CFAP20DC: variants seen among roughly 807,000 people sequenced by gnomAD.
CFAP20DC encodes the protein protein CFAP20DC.
Under a neutral mutation model 101.7 loss-of-function variants are expected in CFAP20DC, and 84 were observed. That is an observed-to-expected ratio of 0.83 (90% CI 0.69 to 0.99). The LOEUF (loss-of-function observed/expected upper bound fraction) is 0.99. Ranked by LOEUF, CFAP20DC falls within the 50% of genes least tolerant of loss-of-function variation. The pLI is 0.00. For synonymous variants in CFAP20DC, 359 were observed against 351.2 expected (o/e 1.02, Z -0.25); for missense variants, 1,007 against 970.3 (o/e 1.04, Z -0.50).
intron 12 of CFAP20DC, among the ~76,000 whole-genome samples, chr3:58,853,070 A>C (rs1415708181): frequency 6.6e-6 from 1 of 152,196 alleles, no homozygotes; most frequent in Non-Finnish European, 1.5e-5. Context: ...GGATCAACAA[A>C]ATTGATAGAC....
chr3:58,999,452 G>A (rs1256116729), intron 4 of CFAP20DC, among the ~76,000 whole-genome samples: 1 of 152,142 alleles, frequency 6.6e-6, no homozygotes, highest in Middle Eastern at 3.2e-3. Context: ...TGTAACAAGA[G>A]TCACATATCC....
intron 6 of CFAP20DC, among the ~76,000 whole-genome samples, chr3:58,891,061 G>A (rs1227311150): frequency 6.7e-6 from 1 of 149,408 alleles, no homozygotes; most frequent in Non-Finnish European, 1.5e-5. Flanking sequence ...CACTTTGGGA[G>A]GCCAAGGCAG....
rs1401504816 is a variant in CFAP20DC at position 58,729,207 on chromosome 3, G to A, written c.198-11579C>T. ...TTATTTTAAGCAACTAAGTTTTAGG[G>A]TAATGTGTTATGCAGCAATAGACAA... On this transcript the variant is annotated intron_variant, in intron 3 of 3. Transcript: ENST00000486145. This position sits in a 1 kb window ranked among gnomAD's most constrained non-coding sequence, Gnocchi z 4.4. Among the ~76,000 whole-genome samples the A allele has an allele frequency of 2.0e-5, 3 of 152,140 alleles. No individual in the cohort carries two copies. The highest frequency in any genetic ancestry group is 6.5e-5 in the Admixed American group (1 of 15,278).
intron 4 of CFAP20DC, among the ~76,000 whole-genome samples, chr3:58,991,723 C>T (rs541012232): frequency 6.6e-6 from 1 of 152,054 alleles, no homozygotes; most frequent in Non-Finnish European, 1.5e-5. Context: ...TGCTCTCCTA[C>T]GAGAATCTAA....
intron 6 of CFAP20DC, among the ~76,000 whole-genome samples, chr3:58,885,832 C>T (rs572604464): frequency 1.3e-5 from 2 of 151,850 alleles, no homozygotes; most frequent in Non-Finnish European, 2.9e-5. Flanking sequence ...TGTTTGTATA[C>T]CACATTTTCT....
chr3:59,044,335 A>G (rs1191334520), intron 3 of CFAP20DC, among the ~76,000 whole-genome samples: 1 of 152,208 alleles, frequency 6.6e-6, no homozygotes, highest in Non-Finnish European at 1.5e-5. Flanking sequence ...AAGTAAAAAT[A>G]GCTATAAATT....
chr3:58,913,259 T>C lies in CFAP20DC; in HGVS notation c.550+449A>G, dbSNP rs891619412. 1.3e-5 allele frequency among the ~76,000 whole-genome samples: 2 copies of C among 152,180 alleles called. No homozygotes were observed. ...AGTTGCAGTAGCTACTGGCAGTGGG[T>C]GGAGGTGGCAAATGGATGGGGTTGT... On this transcript the variant is annotated intron_variant, in intron 6 of 16. Transcript: ENST00000482387. The surrounding 1 kb of genome is among the most constrained non-coding windows in gnomAD (Gnocchi z 4.4).
intron 5 of CFAP20DC, among the ~76,000 whole-genome samples, chr3:58,929,600 T>G (rs1215555601): frequency 6.6e-6 from 1 of 152,254 alleles, no homozygotes; most frequent in Admixed American, 6.5e-5. Context: ...ATTAAATGAA[T>G]TTTTAAAACT....
intron 4 of CFAP20DC, among the ~76,000 whole-genome samples, chr3:58,946,113 A>ATTTT (rs57865077): frequency 2.4e-5 from 3 of 123,826 alleles, no homozygotes; most frequent in African/African-American, 6.6e-5. Context: ...AACTGCCCCA[A>ATTTT]TTTTTTTTTT....
At chr3:58,817,061 A>T (rs1023827070) in intron 14 of CFAP20DC, among the ~76,000 whole-genome samples, 1 of 152,080 alleles carries the variant, frequency 6.6e-6, no homozygotes, top group Non-Finnish European at 1.5e-5. Flanking sequence ...GTATTCCAAC[A>T]GACCTGCAGC....
At chr3:58,980,180 T>C (rs1471273870) in intron 4 of CFAP20DC, among the ~76,000 whole-genome samples, 1 of 152,174 alleles carries the variant, frequency 6.6e-6, no homozygotes, top group Non-Finnish European at 1.5e-5. Context: ...TTGATAGCTC[T>C]TAATGCCTCT....
At chr3:59,024,683 G>A (rs1482998971) in intron 4 of CFAP20DC, among the ~76,000 whole-genome samples, 4 of 152,144 alleles carry the variant, frequency 2.6e-5, no homozygotes, top group African/African-American at 9.7e-5. Context: ...CCCAAAGGGG[G>A]ATTCTTCTTG....
chr3:58,813,407 C>T (rs956140098), intron 14 of CFAP20DC, among the ~76,000 whole-genome samples: 24 of 151,916 alleles, frequency 1.6e-4, no homozygotes, highest in African/African-American at 5.6e-4. Context: ...TCATTTTCAA[C>T]ATTCTCATTT....
chr3:59,046,517 C>T (rs1311790498), intron 2 of CFAP20DC, among the ~76,000 whole-genome samples, 195 bp from the exon 3 acceptor site: 1 of 151,996 alleles, frequency 6.6e-6, no homozygotes, highest in Non-Finnish European at 1.5e-5. Flanking sequence ...GGACAAAGAG[C>T]AAGGGCATTC....
At chr3:58,862,646 T>C in intron 12 of CFAP20DC, 1 of 985,126 alleles carries the variant, frequency 1.0e-6, no homozygotes, top group Non-Finnish European at 1.2e-6. Flanking sequence ...TGTGCCTCAC[T>C]GTCCAAAAAG....
intron 4 of CFAP20DC, among the ~76,000 whole-genome samples, chr3:58,950,250 A>G (rs1459944794): frequency 1.9e-4 from 29 of 152,188 alleles, no homozygotes; most frequent in Non-Finnish European, 3.8e-4. Flanking sequence ...ACTGCTCAAC[A>G]AAATAAAAGA....
At chr3:58,760,981 T>C (rs1337801163) in intron 15 of CFAP20DC, among the ~76,000 whole-genome samples, 2 of 152,226 alleles carry the variant, frequency 1.3e-5, no homozygotes, top group Non-Finnish European at 2.9e-5. Context: ...ATCAGGGATA[T>C]TGGTCTAAGA....
At chr3:59,037,515 C>G (rs143594955) in intron 4 of CFAP20DC, among the ~76,000 whole-genome samples, 1,786 of 151,058 alleles carry the variant, frequency 0.012, 35 homozygotes, top group African/African-American at 0.041. Flanking sequence ...ATGTGGGCAA[C>G]AAATATGCGA....
At chr3:58,981,315 C>G (rs1242555413) in intron 4 of CFAP20DC, among the ~76,000 whole-genome samples, 1 of 152,006 alleles carries the variant, frequency 6.6e-6, no homozygotes, top group Non-Finnish European at 1.5e-5. Context: ...CCATCCCCAT[C>G]AAGCTACCAA....
Sources: allele counts gnomAD v4.1 joint callset (sites outside exome capture counted in the v4.1 genomes callset), GRCh38; gene constraint gnomAD v4.1.1; non-coding constraint Gnocchi (gnomAD v3.1); transcripts MANE v1.5; gene names NCBI Gene and HGNC (gene_info 2026-07-23, HGNC 2026-07-21).